The following ZNF609 variants were observed in gnomAD, a reference collection of about 807,000 sequenced individuals.
ZNF609 encodes the protein zinc finger protein 609.
Under a neutral mutation model 109.5 loss-of-function variants are expected in ZNF609, and 11 were observed. That is an observed-to-expected ratio of 0.10 (90% CI 0.06 to 0.17). ZNF609 has a LOEUF of 0.17. ZNF609 is among the 10% of genes least tolerant of loss of function. ZNF609 has a pLI of 1.00. For missense variants in ZNF609, 1,559 were observed against 1,772.4 expected, an observed-to-expected ratio of 0.88 and a Z score of 2.16; for synonymous variants, 646 against 662.0, an observed-to-expected ratio of 0.98 and a Z score of 0.37.
chr15:64,536,507 T>C (rs1229556611), intron 2 of ZNF609, among the ~76,000 whole-genome samples: 1 of 152,104 alleles, frequency 6.6e-6, no homozygotes, highest in Admixed American at 6.6e-5. Context: ...TTATATAGTT[T>C]CTGAATTTTG....
At chr15:64,466,336 T>C (rs1893014996) in intron 1 of ZNF609, among the ~76,000 whole-genome samples, 2 of 152,230 alleles carry the variant, frequency 1.3e-5, no homozygotes, top group South Asian at 4.1e-4. Flanking sequence ...CTGACCTTTT[T>C]AGTGCCTTCC....
At chr15:64,659,200 G>A (rs745589269) in intron 3 of ZNF609, among the ~76,000 whole-genome samples, 9 of 152,110 alleles carry the variant, frequency 5.9e-5, no homozygotes, top group Non-Finnish European at 1.0e-4. Context: ...GGTATAAAAC[G>A]CGTTTTTAGT....
intron 3 of ZNF609, among the ~76,000 whole-genome samples, chr15:64,624,016 G>A (rs1423782434): frequency 6.6e-6 from 1 of 152,134 alleles, no homozygotes; most frequent in Non-Finnish European, 1.5e-5. Context: ...TCTGCCCCTA[G>A]AAATTCAGGC....
chr15:64,652,247 C>T (rs777776271), intron 3 of ZNF609, among the ~76,000 whole-genome samples: 1 of 152,134 alleles, frequency 6.6e-6, no homozygotes, highest in African/African-American at 2.4e-5. Context: ...TGGTCTCCAA[C>T]TCCTGGCCTC....
intron 2 of ZNF609, among the ~76,000 whole-genome samples, chr15:64,600,792 C>G (rs1895486044): frequency 6.6e-6 from 1 of 152,168 alleles, no homozygotes; most frequent in African/African-American, 2.4e-5. Context: ...GTATGTTCTA[C>G]AAAATTCTAA....
chr15:64,500,319 T>C (rs1466431453), intron 2 of ZNF609, 153 bp downstream of exon 2: 1 of 1,092,140 alleles, frequency 9.2e-7, no homozygotes, highest in South Asian at 1.3e-5. Flanking sequence ...ATAATGTGGT[T>C]TTCTTCCAAA....
intron 2 of ZNF609, among the ~76,000 whole-genome samples, chr15:64,518,359 G>T (rs1282525372): frequency 2.0e-5 from 3 of 152,282 alleles, no homozygotes; most frequent in African/African-American, 7.2e-5. Context: ...AGGCTAAGTG[G>T]TAAGACTAAT....
chr15:64,523,498 G>A (rs1225669560), intron 2 of ZNF609, among the ~76,000 whole-genome samples: 2 of 152,186 alleles, frequency 1.3e-5, no homozygotes, highest in East Asian at 1.9e-4. Flanking sequence ...ATTATAGGCC[G>A]GGCACAGTGG....
Position 64,678,314 on chromosome 15 carries a change from C to T in ZNF609, c.3601C>T (p.Leu1201Phe). 6.2e-7 allele frequency: 1 copy of T among 1,614,138 alleles called. No individual in the cohort carries two copies. Among genetic ancestry groups the T allele is most frequent in the Non-Finnish European group, 8.5e-7 (1 of 1,180,034 alleles). The change falls in exon 6 of 10, where the codon CTT becomes TTT. Residue 1201 changes from leucine to phenylalanine, a missense_variant. Transcript: ENST00000326648. The part of the protein sequence containing the change: ...CKLPTSEESR[L>F]GSKEPRPSVH... ...GCTGCCCACGTCAGAGGAGTCTCGC[C>T]TTGGGAGCAAGGAGCCCCGGCCAAG...
chr15:64,491,231 G>GT (rs1314275684), intron 1 of ZNF609, among the ~76,000 whole-genome samples: 1 of 152,210 alleles, frequency 6.6e-6, no homozygotes, highest in Non-Finnish European at 1.5e-5. Context: ...CCCATGAAGT[G>GT]TGGCAGGTAG....
At position 64,675,214 on chromosome 15, in the gene ZNF609, G is replaced by C. The variant is rs774462057; in HGVS notation, c.2360G>C (p.Ser787Thr). Residue 787 changes from serine (S) to threonine (T), a missense_variant, in exon 5 of 10, where the codon AGC becomes ACC. By Grantham distance (58) the Ser-to-Thr change is moderately conservative (BLOSUM62 1). Coordinates refer to ENST00000326648, the MANE Select transcript of ZNF609 (RefSeq NM_015042.2). ...GACCCCCACCAAAGCCGACTGGCTA[G>C]CATCAAGGCTGAAGCCGACAAGATC... ...SSDPHQSRLASIKAEADKIYS... is the reference protein window; with the variant it reads ...SSDPHQSRLATIKAEADKIYS... The C allele has an allele frequency of 3.1e-6, 5 of 1,614,050 alleles. No homozygotes were observed. Among genetic ancestry groups the C allele is most frequent in the South Asian group, 1.1e-5 (1 of 91,088 alleles).
At chr15:64,602,768 G>C (rs1305504622) in intron 2 of ZNF609, among the ~76,000 whole-genome samples, 2 of 123,232 alleles carry the variant, frequency 1.6e-5, no homozygotes, top group African/African-American at 6.1e-5. Context: ...TGTCACCCAG[G>C]CTGGAGTGCA....
At chr15:64,641,961 G>A (rs1376204348) in intron 3 of ZNF609, among the ~76,000 whole-genome samples, 1 of 152,080 alleles carries the variant, frequency 6.6e-6, no homozygotes, top group East Asian at 1.9e-4. Context: ...AGACTCGTAC[G>A]TAATTTGACC....
At chr15:64,511,917 G>T (rs1033742436) in intron 2 of ZNF609, among the ~76,000 whole-genome samples, 2 of 151,758 alleles carry the variant, frequency 1.3e-5, no homozygotes, top group African/African-American at 4.8e-5. Context: ...ATTTCACCAT[G>T]TTGGCCAGGA....
intron 1 of ZNF609, among the ~76,000 whole-genome samples, chr15:64,485,136 T>G (rs1227000247): frequency 6.6e-6 from 1 of 152,190 alleles, no homozygotes; most frequent in African/African-American, 2.4e-5. Context: ...TTTGTTTATA[T>G]TTGTGATACT....
At chr15:64,613,138 T>C (rs1895744088) in intron 2 of ZNF609, among the ~76,000 whole-genome samples, 1 of 151,932 alleles carries the variant, frequency 6.6e-6, no homozygotes, top group African/African-American at 2.4e-5. Context: ...CTGGGAAACA[T>C]GGCAAAACCT....
Position 64,674,645 on chromosome 15 carries a change from G to T in ZNF609, c.1791G>T (p.Gly597=), listed in dbSNP as rs1194727530. Residue 597 remains glycine, a synonymous_variant, in exon 5 of 10, where the codon GGG becomes GGT. Transcript: ENST00000326648. ...GTAAGAAAAAGTTGAGTGGGGAAGG[G>T]GACACAGACCTTGGGGCCTTATCCA... ...GLCKKKLSGE[G]DTDLGALSND... 1.9e-6 allele frequency: 3 copies of T among 1,613,980 alleles called. No individual in the cohort carries two copies. In the African/African-American group the frequency reaches 4.0e-5, roughly 22 times the overall value.
At chr15:64,531,097 C>T (rs933184687) in intron 2 of ZNF609, among the ~76,000 whole-genome samples, 2 of 152,228 alleles carry the variant, frequency 1.3e-5, no homozygotes, top group Admixed American at 6.5e-5. Flanking sequence ...CCTGTGGGAC[C>T]ATGGAATTAG....
intron 2 of ZNF609, among the ~76,000 whole-genome samples, chr15:64,569,197 C>T (rs1268529693): frequency 6.6e-6 from 1 of 152,144 alleles, no homozygotes. Flanking sequence ...CCTGGATAGT[C>T]CATATCATAT....
Sources: gnomAD v4.1 joint callset for allele counts (sites outside exome capture counted in the v4.1 genomes callset) on GRCh38, gnomAD v4.1.1 for gene constraint, MANE v1.5 for transcripts, NCBI Gene and HGNC (gene_info 2026-07-23, HGNC 2026-07-21) for gene names.